Variants in ANKRD30B observed in about 807,000 individuals in gnomAD.
ANKRD30B encodes the protein ankyrin repeat domain-containing protein 30B.
A neutral mutation model predicts 202.2 loss-of-function variants in ANKRD30B; 144 were observed. The observed-to-expected ratio is 0.71, with a 90% CI of 0.62 to 0.82. ANKRD30B has a LOEUF of 0.82. Ranked by LOEUF, ANKRD30B falls within the 40% of genes least tolerant of loss-of-function variation. The probability of loss-of-function intolerance (pLI) is 0.00; values close to 1 mark genes in which losing one functional copy is unlikely to be tolerated. For missense variants in ANKRD30B, 1,487 were observed against 1,669.1 expected, an observed-to-expected ratio of 0.89 and a Z score of 1.90; for synonymous variants, 508 against 561.3, an observed-to-expected ratio of 0.91 and a Z score of 1.34.
intron 6 of ANKRD30B, among the ~76,000 whole-genome samples, chr18:14,760,912 T>C (rs1293069152): frequency 2.0e-5 from 3 of 152,198 alleles, no homozygotes. Flanking sequence ...TTTGTGTATA[T>C]AGGTAACACA....
At chr18:14,927,662 A>C in the ANKRD30B span, among the ~76,000 whole-genome samples, 2 of 152,202 alleles carry the variant, frequency 1.3e-5, no homozygotes, top group African/African-American at 4.8e-5. Flanking sequence ...CCTGTGCTTT[A>C]AGATATTAAA....
At chr18:14,866,823 C>A in the ANKRD30B span, among the ~76,000 whole-genome samples, 4 of 151,482 alleles carry the variant, frequency 2.6e-5, no homozygotes, top group African/African-American at 9.7e-5. Flanking sequence ...AGGTGGCAGG[C>A]GGTTGGAGGC....
intron 33 of ANKRD30B, 62 bp from the exon 34 acceptor site, chr18:14,831,321 C>T: frequency 8.6e-7 from 1 of 1,162,668 alleles, no homozygotes; most frequent in Non-Finnish European, 1.2e-6. Flanking sequence ...AAGATATGAA[C>T]TGGCAGGTTT....
chr18:14,844,536 A>G (rs1424177365), intron 39 of ANKRD30B, among the ~76,000 whole-genome samples: 4 of 152,236 alleles, frequency 2.6e-5, no homozygotes, highest in Non-Finnish European at 4.4e-5. Flanking sequence ...TAGTGCCACA[A>G]TAAACATATG....
chr18:14,839,427 G>A (rs1971319309), intron 36 of ANKRD30B, among the ~76,000 whole-genome samples: 1 of 152,094 alleles, frequency 6.6e-6, no homozygotes, highest in African/African-American at 2.4e-5. Context: ...GACCATATTT[G>A]TTCATCATTT....
chr18:14,927,624 A>G, the ANKRD30B span, among the ~76,000 whole-genome samples: 13 of 152,240 alleles, frequency 8.5e-5, no homozygotes, highest in Admixed American at 8.5e-4. Context: ...TCCACAGAGA[A>G]CATATCTGGA....
At chr18:14,772,799 A>G (rs1336216073) in intron 9 of ANKRD30B, among the ~76,000 whole-genome samples, 1 of 147,762 alleles carries the variant, frequency 6.8e-6, no homozygotes, top group Non-Finnish European at 1.5e-5. Flanking sequence ...TGGTTCTTTA[A>G]TTACACCAAA....
chr18:14,761,442 C>T (rs952589651), intron 6 of ANKRD30B, among the ~76,000 whole-genome samples: 2 of 140,760 alleles, frequency 1.4e-5, no homozygotes, highest in African/African-American at 5.0e-5. Context: ...CCAGGAGAGC[C>T]ATCCTGCCCA....
Position 14,840,888 on chromosome 18 carries a change from A to G in ANKRD30B, c.3079+210A>G, listed in dbSNP as rs574587860. On this transcript the variant is annotated intron_variant, in intron 37 of 43. Coordinates refer to ENST00000690538, the MANE Select transcript of ANKRD30B (RefSeq NM_001367607.2). Reference sequence around the variant, plus strand: ...GAGCTGAATTATTAGTTTAAATTCAACATACTCTAAGACCTGAGGAAAGGA... The same window carrying G: ...GAGCTGAATTATTAGTTTAAATTCAGCATACTCTAAGACCTGAGGAAAGGA... Among the ~76,000 whole-genome samples, 29 of 152,330 alleles carry G rather than the reference A, an allele frequency of 1.9e-4. 2 individuals carry two copies. The South Asian group carries it at 5.8e-3, about 30-fold the overall frequency.
Position 14,763,967 on chromosome 18 carries a change from A to G in ANKRD30B, c.1102A>G (p.Thr368Ala), listed in dbSNP as rs767015906. ...SRKITWEEKE[T>A]SVKTECVAGV... ...GAAGATCACATGGGAGGAAAAAGAA[A>G]CATCTGTAAAGACTGAATGCGTGGC... Residue 368 changes from threonine to alanine, a missense_variant, in exon 7 of 44, where the codon ACA becomes GCA. Thr to Ala is a moderately conservative substitution (Grantham distance 58, BLOSUM62 0). This residue lies in a region of ANKRD30B where 889 missense variants were observed against 841.4 expected (regional missense o/e 1.06). Transcript: ENST00000690538. 21 of 1,600,126 alleles carry G rather than the reference A, an allele frequency of 1.3e-5. No homozygotes were observed. The highest frequency in any genetic ancestry group is 1.7e-5 in the Non-Finnish European group (20 of 1,173,796).
At chr18:14,890,042 C>A in the ANKRD30B span, 6 of 1,277,572 alleles carry the variant, frequency 4.7e-6, no homozygotes, top group Non-Finnish European at 5.6e-6. Context: ...CACTTTCCAC[C>A]CCTTTGATTG....
the ANKRD30B span, among the ~76,000 whole-genome samples, chr18:14,886,912 A>G: frequency 2.0e-5 from 3 of 152,128 alleles, no homozygotes; most frequent in Non-Finnish European, 4.4e-5. Context: ...CTGAGGAAGG[A>G]CAGTTCTTTC....
chr18:14,838,921 T>A (rs1971293520), intron 36 of ANKRD30B, among the ~76,000 whole-genome samples: 1 of 152,234 alleles, frequency 6.6e-6, no homozygotes, highest in Non-Finnish European at 1.5e-5. Flanking sequence ...GTGGCATATA[T>A]GTGAAAGCAG....
At chr18:14,807,732 A>C (rs1315281080) in intron 24 of ANKRD30B, among the ~76,000 whole-genome samples, 1 of 149,948 alleles carries the variant, frequency 6.7e-6, no homozygotes, top group African/African-American at 2.5e-5. Flanking sequence ...GGGTTTCGCT[A>C]TTTTGGCCAG....
intron 15 of ANKRD30B, 43 bp from the exon 16 acceptor site, chr18:14,791,358 G>A (rs1968492895): frequency 1.3e-6 from 2 of 1,506,770 alleles, no homozygotes; most frequent in Non-Finnish European, 1.8e-6. Context: ...TTCATTACTA[G>A]GATTTTTTCA....
Position 14,769,517 on chromosome 18 carries a change from C to T in ANKRD30B, c.1256+144C>T, listed in dbSNP as rs1598591826. On this transcript the variant is annotated intron_variant, in intron 8 of 43. Coordinates refer to ENST00000690538, the MANE Select transcript of ANKRD30B (RefSeq NM_001367607.2). ...ATCATCTCACATAGTCATCACACAG[C>T]TTTGCAAAGCATCTGTGCTACTGTC... The T allele has an allele frequency of 4.9e-6, 3 of 616,206 alleles. No homozygotes were observed. In the East Asian group the frequency reaches 9.6e-5, roughly 20 times the overall value. 38.2% of individuals were successfully genotyped at this position (616,206 alleles called of 1,614,324 possible). A position where few individuals can be genotyped will look rare whatever the true frequency, so the allele number is the denominator to read the frequency against.
chr18:14,786,458 A>G (rs1968091554), intron 14 of ANKRD30B, among the ~76,000 whole-genome samples: 1 of 152,248 alleles, frequency 6.6e-6, no homozygotes, highest in Non-Finnish European at 1.5e-5. Flanking sequence ...TATATGCAAT[A>G]AAAGTTTTTT....
chr18:14,866,362 G>T, the ANKRD30B span, among the ~76,000 whole-genome samples: 1 of 152,162 alleles, frequency 6.6e-6, no homozygotes, highest in African/African-American at 2.4e-5. Flanking sequence ...AGGGTGGCCT[G>T]AGTGGTAGGA....
At chr18:14,876,369 GCTT>G in the ANKRD30B span, among the ~76,000 whole-genome samples, 1 of 152,178 alleles carries the variant, frequency 6.6e-6, no homozygotes, top group Non-Finnish European at 1.5e-5. Flanking sequence ...AATTTCAGAT[GCTT>G]CTTCAAGTGT....
Sources: allele counts gnomAD v4.1 joint callset (sites outside exome capture counted in the v4.1 genomes callset), GRCh38; gene constraint gnomAD v4.1.1; regional missense constraint gnomAD v4.1.1; transcripts MANE v1.5; gene names NCBI Gene and HGNC (gene_info 2026-07-23, HGNC 2026-07-21).